The following SH2D4B variants were observed in gnomAD, a reference collection of about 807,000 sequenced individuals.
SH2D4B encodes SH2 domain containing 4B.
Under a neutral mutation model 61.5 loss-of-function variants are expected in SH2D4B, and 45 were observed. The observed-to-expected ratio is 0.73, with a 90% CI of 0.58 to 0.94. The LOEUF is 0.94. Among genes scored for constraint, SH2D4B ranks in the 40% least tolerant of loss-of-function variants. The pLI, the probability that SH2D4B is intolerant of heterozygous loss-of-function variation, is 0.00. For synonymous variants in SH2D4B, 224 were observed against 220.4 expected (o/e 1.02, Z -0.14); for missense variants, 572 against 574.2 (o/e 1.00, Z 0.04).
intron 6 of SH2D4B, among the ~76,000 whole-genome samples, chr10:80,626,981 G>T (rs1201435998): frequency 6.6e-6 from 1 of 152,166 alleles, no homozygotes; most frequent in Non-Finnish European, 1.5e-5. Flanking sequence ...GTCCTCAGTT[G>T]TGAACTGGTT....
chr10:80,552,865 C>T (rs1318423286), intron 1 of SH2D4B, among the ~76,000 whole-genome samples: 2 of 152,106 alleles, frequency 1.3e-5, no homozygotes, highest in Admixed American at 1.3e-4. Context: ...TTAGGCATTT[C>T]TTTCTCCCCC....
At chr10:80,575,013 T>C (rs970057999) in intron 3 of SH2D4B, among the ~76,000 whole-genome samples, 6 of 152,182 alleles carry the variant, frequency 3.9e-5, no homozygotes, top group African/African-American at 1.2e-4. Context: ...TTGTGAGTTT[T>C]TAAATGGAGT....
At chr10:80,564,505 C>T (rs572203296) in intron 1 of SH2D4B, among the ~76,000 whole-genome samples, 1 of 152,328 alleles carries the variant, frequency 6.6e-6, no homozygotes, top group South Asian at 2.1e-4. Context: ...CTCCAGGTCT[C>T]CTTTGGGTCC....
At chr10:80,635,824 G>A (rs1414245789) in intron 7 of SH2D4B, among the ~76,000 whole-genome samples, 3 of 151,940 alleles carry the variant, frequency 2.0e-5, no homozygotes, top group Non-Finnish European at 2.9e-5. Flanking sequence ...TATACTTTAG[G>A]TTCTAGGGTA....
rs996143009 is a variant in SH2D4B, at chr10:80,539,727, G to A, written c.184+1212G>A. ...TCCTCATCTGCTTGCCTGGCTCTCC[G>A]ATGGGCTCAAAGGCACTGGTGTGTG... On this transcript the variant is annotated intron_variant, in intron 1 of 7. Transcript: ENST00000646907. The surrounding 1 kb of genome is among the most constrained non-coding windows in gnomAD (Gnocchi z 4.9). Among the ~76,000 whole-genome samples, 1 of 152,090 alleles carries A rather than the reference G, an allele frequency of 6.6e-6. No individual in the cohort carries two copies. The highest frequency in any genetic ancestry group is 1.5e-5 in the Non-Finnish European group (1 of 68,022).
intron 6 of SH2D4B, among the ~76,000 whole-genome samples, chr10:80,611,175 C>CAA (rs35997031): frequency 1.1e-3 from 51 of 45,046 alleles, no homozygotes; most frequent in Non-Finnish European, 1.7e-3. Context: ...GACTCAGTCT[C>CAA]AAAAAAAAAA....
chr10:80,565,455 G>A (rs1325573340), intron 1 of SH2D4B, among the ~76,000 whole-genome samples: 1 of 151,676 alleles, frequency 6.6e-6, no homozygotes, highest in East Asian at 1.9e-4. Context: ...GAGTGCAGTG[G>A]TGTAATCATA....
intron 6 of SH2D4B, among the ~76,000 whole-genome samples, chr10:80,626,509 C>A (rs1234460137): frequency 1.3e-5 from 2 of 152,312 alleles, no homozygotes; most frequent in Non-Finnish European, 2.9e-5. Flanking sequence ...TCCTGTGGGA[C>A]TCGGATTCTA....
chr10:80,613,823 A>G (rs560135596), intron 6 of SH2D4B, among the ~76,000 whole-genome samples: 132 of 152,338 alleles, frequency 8.7e-4, no homozygotes, highest in African/African-American at 3.1e-3. Context: ...CTGTGACCTC[A>G]GAATACATTC....
intron 6 of SH2D4B, among the ~76,000 whole-genome samples, chr10:80,620,840 G>A (rs1045365459): frequency 1.3e-5 from 2 of 152,150 alleles, no homozygotes; most frequent in Non-Finnish European, 2.9e-5. Flanking sequence ...TGCTAGTTAT[G>A]GGATTGTAAT....
At chr10:80,572,258 T>A (rs117702290) in intron 3 of SH2D4B, among the ~76,000 whole-genome samples, 2,226 of 152,256 alleles carry the variant, frequency 0.015, 32 homozygotes, top group Non-Finnish European at 0.024. Context: ...CAGGTAATAA[T>A]AACACTCTTC....
intron 1 of SH2D4B, among the ~76,000 whole-genome samples, chr10:80,562,291 T>G (rs1420758691): frequency 6.6e-6 from 1 of 152,236 alleles, no homozygotes; most frequent in Non-Finnish European, 1.5e-5. Flanking sequence ...AGTAAGTCCT[T>G]ACTTAACATC....
chr10:80,581,475 A>G (rs768243420), intron 3 of SH2D4B, among the ~76,000 whole-genome samples: 2 of 148,524 alleles, frequency 1.3e-5, no homozygotes, highest in Admixed American at 1.3e-4. Flanking sequence ...TTACACAGGT[A>G]ATTCAGTTAA....
At chr10:80,552,351 T>G (rs1259168005) in intron 1 of SH2D4B, among the ~76,000 whole-genome samples, 1 of 148,112 alleles carries the variant, frequency 6.8e-6, no homozygotes, top group Non-Finnish European at 1.5e-5. Flanking sequence ...TGCTCCACTT[T>G]GCATGGAGGG....
chr10:80,571,085 G>A (rs1258405573), intron 2 of SH2D4B, among the ~76,000 whole-genome samples: 1 of 152,056 alleles, frequency 6.6e-6, no homozygotes, highest in Non-Finnish European at 1.5e-5. Context: ...ATGTTGCCCA[G>A]GCTGGTCTTG....
chr10:80,637,444 T>TAA (rs1840203982), intron 7 of SH2D4B, among the ~76,000 whole-genome samples: 1 of 152,248 alleles, frequency 6.6e-6, no homozygotes, highest in South Asian at 2.1e-4. Context: ...TCCATTTGTG[T>TAA]CCTCTTTTAT....
chr10:80,584,610 T>G (rs6586087), intron 3 of SH2D4B, among the ~76,000 whole-genome samples: 40,851 of 152,102 alleles, frequency 0.27, 6,416 homozygotes, highest in African/African-American at 0.43. Flanking sequence ...GCTGTAAGTT[T>G]TAAAACATCC....
chr10:80,577,799 T>C (rs1842143620), intron 3 of SH2D4B, among the ~76,000 whole-genome samples: 1 of 151,550 alleles, frequency 6.6e-6, no homozygotes, highest in Non-Finnish European at 1.5e-5. Flanking sequence ...CCTGACCTCG[T>C]GATCTGCCTG....
intron 6 of SH2D4B, among the ~76,000 whole-genome samples, chr10:80,617,867 C>T (rs1238416169): frequency 6.6e-6 from 1 of 152,222 alleles, no homozygotes; most frequent in South Asian, 2.1e-4. Context: ...GAAGAAAGGG[C>T]CTGCTTGTCT....
Sources: allele counts gnomAD v4.1 joint callset (sites outside exome capture counted in the v4.1 genomes callset), GRCh38; gene constraint gnomAD v4.1.1; non-coding constraint Gnocchi (gnomAD v3.1); transcripts MANE v1.5; gene names NCBI Gene and HGNC (gene_info 2026-07-23, HGNC 2026-07-21).